TAFA1: variants seen among roughly 807,000 people sequenced by gnomAD.
The protein encoded by TAFA1 is chemokine-like protein TAFA-1.
A neutral mutation model predicts 18.5 loss-of-function variants in TAFA1; 4 were observed. The observed-to-expected ratio is 0.22, with a 90% CI of 0.11 to 0.49. The LOEUF (loss-of-function observed/expected upper bound fraction) is 0.49. Among genes scored for constraint, TAFA1 ranks in the 20% least tolerant of loss-of-function variants. TAFA1 has a pLI of 0.98. For synonymous variants in TAFA1, 56 were observed against 55.2 expected, an observed-to-expected ratio of 1.01 and a Z score of -0.06; for missense variants, 147 against 169.0, an observed-to-expected ratio of 0.87 and a Z score of 0.72.
chr3:68,120,177 CTTTCTTTCTTTCTT>C lies in TAFA1; in HGVS notation c.118+113435_118+113448del, dbSNP rs1559527511. Among the ~76,000 whole-genome samples the C allele has an allele frequency of 1.1e-3, 18 of 15,740 alleles. No homozygotes were observed. In the Admixed American group the frequency reaches 0.014, roughly 12 times the overall value. 10.3% of individuals were successfully genotyped at this position (15,740 alleles called of 152,430 possible). ...TCTTTCTTTCTCTTTCTTTCTCTTT[CTTTCTTTCTTTCTT>C]TCTTTCTTTCTTTCTTTCTTTCTTT... is the stretch of plus-strand genomic sequence containing the variant. On this transcript the variant is annotated intron_variant, in intron 2 of 4. Transcript: ENST00000478136.
At chr3:68,085,312 C>T (rs963657697) in intron 2 of TAFA1, among the ~76,000 whole-genome samples, 2 of 152,126 alleles carry the variant, frequency 1.3e-5, no homozygotes, top group Admixed American at 6.5e-5. Flanking sequence ...TTATCAAGGC[C>T]TTAATTGTGA....
chr3:68,307,537 C>A (rs909981374), intron 2 of TAFA1, among the ~76,000 whole-genome samples: 1 of 152,122 alleles, frequency 6.6e-6, no homozygotes, highest in Non-Finnish European at 1.5e-5. Flanking sequence ...TTAATTTTTT[C>A]AAACTTACTG....
At chr3:68,207,500 G>C (rs1250482248) in intron 2 of TAFA1, among the ~76,000 whole-genome samples, 1 of 151,880 alleles carries the variant, frequency 6.6e-6, no homozygotes, top group Non-Finnish European at 1.5e-5. Flanking sequence ...GATCATGAGT[G>C]TGTCATGTCA....
intron 2 of TAFA1, among the ~76,000 whole-genome samples, chr3:68,323,423 C>A (rs1352261493): frequency 2.0e-5 from 3 of 152,148 alleles, no homozygotes; most frequent in Non-Finnish European, 4.4e-5. Context: ...AATTAGAAAC[C>A]AAACCAAACC....
intron 3 of TAFA1, among the ~76,000 whole-genome samples, chr3:68,431,021 T>A (rs1559666831): frequency 6.6e-6 from 1 of 151,946 alleles, no homozygotes; most frequent in Non-Finnish European, 1.5e-5. Context: ...GATTGGCACT[T>A]AAGTTATTCA....
chr3:68,320,840 G>T (rs1238898542), intron 2 of TAFA1, among the ~76,000 whole-genome samples: 1 of 152,212 alleles, frequency 6.6e-6, no homozygotes, highest in Non-Finnish European at 1.5e-5. Flanking sequence ...GGGAGCCAAA[G>T]CAGTGCTCCT....
chr3:68,207,039 A>T (rs2066536466), intron 2 of TAFA1, among the ~76,000 whole-genome samples: 1 of 151,964 alleles, frequency 6.6e-6, no homozygotes, highest in Admixed American at 6.6e-5. Context: ...TTATATATGT[A>T]GTAAACTAAA....
intron 2 of TAFA1, among the ~76,000 whole-genome samples, chr3:68,038,940 C>G (rs1307850131): frequency 2.0e-5 from 3 of 152,098 alleles, no homozygotes; most frequent in African/African-American, 7.2e-5. Context: ...ATTTTTTCTA[C>G]TAATCTGTCA....
chr3:68,065,736 GTGTGTATA>G lies in TAFA1; in HGVS notation c.118+58994_118+59001del, dbSNP rs200859711. Among the ~76,000 whole-genome samples the G allele has an allele frequency of 2.2e-3, 300 of 135,544 alleles. 5 individuals carry two copies. In the East Asian group the frequency reaches 0.041, roughly 18 times the overall value. 88.9% of individuals were successfully genotyped at this position (135,544 alleles called of 152,430 possible). ...CATAGATGTTTGTGTGTATGTGTGT[GTGTGTATA>G]TATATATATATATATATATATACAC... On this transcript the variant is annotated intron_variant, in intron 2 of 4. Coordinates refer to ENST00000478136, the MANE Select transcript of TAFA1 (RefSeq NM_213609.4).
intron 3 of TAFA1, among the ~76,000 whole-genome samples, chr3:68,461,113 C>T (rs2071769123): frequency 6.6e-6 from 1 of 151,794 alleles, no homozygotes; most frequent in Non-Finnish European, 1.5e-5. Context: ...TAAACCTCGA[C>T]TCTAATGAAA....
chr3:68,163,858 T>C (rs1355612002), intron 2 of TAFA1, among the ~76,000 whole-genome samples: 2 of 152,190 alleles, frequency 1.3e-5, no homozygotes, highest in Non-Finnish European at 2.9e-5. Context: ...CCAGTCAAAC[T>C]CTGCCAGGGA....
intron 2 of TAFA1, among the ~76,000 whole-genome samples, chr3:68,123,532 C>T (rs144889513): frequency 2.0e-5 from 3 of 152,280 alleles, no homozygotes; most frequent in African/African-American, 7.2e-5. Context: ...TTGCAGTGAT[C>T]TCCAGTCTGG....
At chr3:68,305,031 T>C (rs1236430422) in intron 2 of TAFA1, among the ~76,000 whole-genome samples, 2 of 152,082 alleles carry the variant, frequency 1.3e-5, no homozygotes, top group Non-Finnish European at 2.9e-5. Flanking sequence ...TACCACAGAT[T>C]GGGTGGCTTA....
chr3:68,078,428 T>G (rs2064854537), intron 2 of TAFA1, among the ~76,000 whole-genome samples: 2 of 152,324 alleles, frequency 1.3e-5, no homozygotes, highest in South Asian at 2.1e-4. Context: ...GCCCATTCAG[T>G]ATGATATTGG....
intron 3 of TAFA1, among the ~76,000 whole-genome samples, chr3:68,451,745 T>C (rs1393720510): frequency 6.6e-6 from 1 of 152,142 alleles, no homozygotes; most frequent in African/African-American, 2.4e-5. Context: ...CTCCACATCA[T>C]AGGGATCAGA....
intron 3 of TAFA1, among the ~76,000 whole-genome samples, chr3:68,432,589 G>A (rs961144252): frequency 6.6e-6 from 1 of 151,950 alleles, no homozygotes; most frequent in Non-Finnish European, 1.5e-5. Context: ...AATGTGTGCA[G>A]AGAAACAAAA....
intron 2 of TAFA1, among the ~76,000 whole-genome samples, chr3:68,211,242 G>A (rs553783286): frequency 6.6e-6 from 1 of 152,006 alleles, no homozygotes; most frequent in East Asian, 1.9e-4. Flanking sequence ...ATACCAGGTG[G>A]CAATAATCAC....
intron 2 of TAFA1, among the ~76,000 whole-genome samples, chr3:68,355,436 A>G (rs1455097342): frequency 6.6e-6 from 1 of 151,958 alleles, no homozygotes; most frequent in Non-Finnish European, 1.5e-5. Flanking sequence ...GGGCTAATAA[A>G]TAGAACTGAG....
intron 2 of TAFA1, among the ~76,000 whole-genome samples, chr3:68,083,819 C>A (rs1479342605): frequency 1.3e-5 from 2 of 152,062 alleles, no homozygotes; most frequent in Admixed American, 6.5e-5. Context: ...CCCTCAGCTT[C>A]GGATTTTTCA....
Sources: allele counts gnomAD v4.1 joint callset (sites outside exome capture counted in the v4.1 genomes callset), GRCh38; gene constraint gnomAD v4.1.1; transcripts MANE v1.5; gene names NCBI Gene and HGNC (gene_info 2026-07-23, HGNC 2026-07-21).